THSD7A: variants seen among roughly 807,000 people sequenced by gnomAD.
THSD7A encodes the protein thrombospondin type 1 domain containing 7A, also known as thrombospondin type-1 domain-containing protein 7A.
In THSD7A, 96 loss-of-function variants were observed where a neutral mutation model predicts 231.3. That is an observed-to-expected ratio of 0.41 (90% confidence interval 0.35 to 0.49). THSD7A has a LOEUF of 0.49. THSD7A is among the 20% of genes least tolerant of loss of function. The probability of loss-of-function intolerance (pLI) is 0.05; values close to 1 mark genes in which losing one functional copy is unlikely to be tolerated. For missense variants in THSD7A, 2,290 were observed against 2,070.2 expected (o/e 1.11, Z -2.06); for synonymous variants, 940 against 743.3 (o/e 1.26, Z -4.30).
chr7:11,427,016 G>T (rs1346016367), intron 14 of THSD7A, among the ~76,000 whole-genome samples: 1 of 152,112 alleles, frequency 6.6e-6, no homozygotes, highest in Non-Finnish European at 1.5e-5. Context: ...GATCCAACTT[G>T]TCAATGTACT....
At chr7:11,470,658 AT>A (rs1785900049) in intron 8 of THSD7A, among the ~76,000 whole-genome samples, 2 of 151,702 alleles carry the variant, frequency 1.3e-5, no homozygotes, top group Non-Finnish European at 2.9e-5. Flanking sequence ...AAATGATGGG[AT>A]TTAATCTTTT....
intron 1 of THSD7A, among the ~76,000 whole-genome samples, chr7:11,782,695 C>T (rs937095028): frequency 3.3e-5 from 5 of 152,094 alleles, no homozygotes; most frequent in African/African-American, 1.2e-4. Flanking sequence ...AAACCAATTA[C>T]ATTGGTTACT....
At chr7:11,703,107 A>C (rs905552287) in intron 1 of THSD7A, among the ~76,000 whole-genome samples, 1 of 151,238 alleles carries the variant, frequency 6.6e-6, no homozygotes, top group Admixed American at 6.6e-5. Context: ...GGCAAGGTCA[A>C]GTTCTCTAAA....
intron 2 of THSD7A, among the ~76,000 whole-genome samples, chr7:11,619,582 A>T (rs10227763): frequency 0.1 from 15,579 of 151,536 alleles, 996 homozygotes; most frequent in African/African-American, 0.18. Flanking sequence ...CTAATTTTTT[A>T]AATTTTATTA....
intron 6 of THSD7A, among the ~76,000 whole-genome samples, chr7:11,499,544 C>A (rs1420260101): frequency 1.3e-5 from 2 of 152,082 alleles, no homozygotes; most frequent in African/African-American, 2.4e-5. Context: ...AGGAGGATGG[C>A]AAACCCCAAT....
At chr7:11,736,265 G>A (rs565132762) in intron 1 of THSD7A, among the ~76,000 whole-genome samples, 2 of 152,092 alleles carry the variant, frequency 1.3e-5, no homozygotes, top group East Asian at 2.0e-4. Flanking sequence ...CCACATGATA[G>A]GAGTAAGAGC....
intron 4 of THSD7A, among the ~76,000 whole-genome samples, chr7:11,549,908 T>G (rs918404371): frequency 6.6e-6 from 1 of 152,080 alleles, no homozygotes; most frequent in Non-Finnish European, 1.5e-5. Flanking sequence ...CCTACACATG[T>G]ACCCCAGAAC....
chr7:11,370,606 TG>T lies in THSD7A; in HGVS notation c.*5187del, dbSNP rs1451199435. 2 of 152,178 alleles carry T rather than the reference TG, an allele frequency of 1.3e-5. No individual in the cohort carries two copies. Among genetic ancestry groups the T allele is most frequent in the East Asian group, 3.9e-4 (2 of 5,188 alleles). 9.4% of individuals were successfully genotyped at this position (152,178 alleles called of 1,614,324 possible). Reference sequence around the variant, plus strand: ...TGTAGTTAATTGTACATAGACATTTTGTGCGTTAAAAAGGAAATGTACATAA... The same window carrying T: ...TGTAGTTAATTGTACATAGACATTTTTGCGTTAAAAAGGAAATGTACATAA... On this transcript the variant is annotated 3_prime_UTR_variant, in exon 28 of 28. Coordinates refer to ENST00000423059, the MANE Select transcript of THSD7A (RefSeq NM_015204.3).
intron 6 of THSD7A, among the ~76,000 whole-genome samples, chr7:11,500,746 C>T (rs965244012): frequency 2.6e-4 from 39 of 152,052 alleles, no homozygotes; most frequent in African/African-American, 9.2e-4. Context: ...ATCAGCCTGG[C>T]CAAGATGGTG....
chr7:11,612,631 G>A (rs1780973299), intron 2 of THSD7A, among the ~76,000 whole-genome samples: 1 of 152,138 alleles, frequency 6.6e-6, no homozygotes, highest in Non-Finnish European at 1.5e-5. Context: ...ATGTTATTGA[G>A]TCAGACATTT....
At chr7:11,559,712 A>C (rs1022981425) in intron 4 of THSD7A, among the ~76,000 whole-genome samples, 2 of 152,028 alleles carry the variant, frequency 1.3e-5, no homozygotes, top group Admixed American at 1.3e-4. Flanking sequence ...TTAACCACTA[A>C]CGGTCACATT....
At chr7:11,503,923 C>T (rs1034514232) in intron 6 of THSD7A, among the ~76,000 whole-genome samples, 2 of 152,082 alleles carry the variant, frequency 1.3e-5, no homozygotes, top group South Asian at 2.1e-4. Context: ...GAGCTAAAAG[C>T]AGAAGTACCA....
chr7:11,703,013 T>C (rs1274138253), intron 1 of THSD7A, among the ~76,000 whole-genome samples: 3 of 151,232 alleles, frequency 2.0e-5, no homozygotes, highest in African/African-American at 7.3e-5. Flanking sequence ...AAGAAACTCT[T>C]TTAAACAACT....
chr7:11,558,005 T>C (rs1789920510), intron 4 of THSD7A, among the ~76,000 whole-genome samples: 1 of 152,138 alleles, frequency 6.6e-6, no homozygotes, highest in Non-Finnish European at 1.5e-5. Flanking sequence ...AAATTTTGTG[T>C]CTTGCTAAGT....
intron 4 of THSD7A, among the ~76,000 whole-genome samples, chr7:11,580,471 G>A (rs1056149291): frequency 1.3e-5 from 2 of 152,058 alleles, no homozygotes; most frequent in African/African-American, 4.8e-5. Flanking sequence ...ATAACTTCAA[G>A]GCTTTTATCA....
intron 1 of THSD7A, among the ~76,000 whole-genome samples, chr7:11,733,758 T>C (rs921885142): frequency 1.3e-5 from 2 of 151,902 alleles, no homozygotes; most frequent in Non-Finnish European, 2.9e-5. Flanking sequence ...GAAATTAAGG[T>C]CACAAACATC....
At chr7:11,809,372 T>C (rs1431870760) in intron 1 of THSD7A, among the ~76,000 whole-genome samples, 1 of 152,166 alleles carries the variant, frequency 6.6e-6, no homozygotes, top group Non-Finnish European at 1.5e-5. Flanking sequence ...AGAGTAATTT[T>C]TGGATTCTGT....
intron 1 of THSD7A, among the ~76,000 whole-genome samples, chr7:11,651,253 A>T (rs185975637): frequency 7.9e-5 from 12 of 152,018 alleles, no homozygotes; most frequent in African/African-American, 2.9e-4. Flanking sequence ...GAGACAGAAG[A>T]TAGAGTGGTG....
chr7:11,655,853 T>C (rs1199835130), intron 1 of THSD7A, among the ~76,000 whole-genome samples: 2 of 151,932 alleles, frequency 1.3e-5, no homozygotes, highest in Non-Finnish European at 2.9e-5. Flanking sequence ...TTACTTGCCA[T>C]GGTCATTGTT....
Sources: gnomAD v4.1 joint callset for allele counts (sites outside exome capture counted in the v4.1 genomes callset) on GRCh38, gnomAD v4.1.1 for gene constraint, MANE v1.5 for transcripts, NCBI Gene and HGNC (gene_info 2026-07-23, HGNC 2026-07-21) for gene names.